CELF2: variants seen among roughly 807,000 people sequenced by gnomAD.
CELF2 encodes the protein CUGBP Elav-like family member 2.
In CELF2, 8 loss-of-function variants were observed where a neutral mutation model predicts 62.6. That is an observed-to-expected ratio of 0.13 (90% CI 0.07 to 0.23). CELF2 has a LOEUF of 0.23. CELF2 is among the 10% of genes least tolerant of loss of function. The probability of loss-of-function intolerance (pLI) is 1.00; values close to 1 mark genes in which losing one functional copy is unlikely to be tolerated. For missense variants in CELF2, 333 were observed against 671.0 expected (o/e 0.50, Z 5.56); for synonymous variants, 258 against 250.0 (o/e 1.03, Z -0.30).
At chr10:10,474,332 G>A in the CELF2 span, among the ~76,000 whole-genome samples, 10 of 151,996 alleles carry the variant, frequency 6.6e-5, no homozygotes, top group Non-Finnish European at 1.3e-4. Context: ...AAGCTTAACA[G>A]AGTAAGTTGG....
At chr10:10,531,901 C>T in the CELF2 span, among the ~76,000 whole-genome samples, 40 of 152,320 alleles carry the variant, frequency 2.6e-4, no homozygotes, top group South Asian at 7.7e-3. Flanking sequence ...CCTGGCCTGT[C>T]CTGGTGCTCC....
rs886152914 is a variant in CELF2, at chr10:11,075,438, C to G, written c.74+57275C>G. 1.3e-5 allele frequency: 2 copies of G among 152,004 alleles called. No individual in the cohort carries two copies. Among genetic ancestry groups the G allele is most frequent in the Non-Finnish European group, 2.9e-5 (2 of 68,030 alleles). The allele number at this position is 152,004 out of a possible 1,614,324, so 9.4% of individuals were successfully genotyped here. ...ATTCAGTAACGTATGGAGAGCAGTCCTGGTATACAGATACATGTACGATGT... is the reference window on the plus strand; with the variant it reads ...ATTCAGTAACGTATGGAGAGCAGTCGTGGTATACAGATACATGTACGATGT... On this transcript the variant is annotated intron_variant, in intron 1 of 12. Coordinates refer to ENST00000633077, the MANE Select transcript of CELF2 (RefSeq NM_001326342.2). The surrounding 1 kb of genome is among the most constrained non-coding windows in gnomAD (Gnocchi z 5.4).
intron 1 of CELF2, among the ~76,000 whole-genome samples, chr10:10,808,242 A>G (rs1181525361): frequency 6.6e-6 from 1 of 152,208 alleles, no homozygotes; most frequent in Non-Finnish European, 1.5e-5. Context: ...TAGATCCTGG[A>G]CACAAAGGGC....
intron 1 of CELF2, among the ~76,000 whole-genome samples, chr10:11,139,353 T>C (rs1260300749): frequency 3.3e-5 from 5 of 152,248 alleles, no homozygotes; most frequent in Non-Finnish European, 7.3e-5. Flanking sequence ...ACATTGTCTT[T>C]GCAAAACACA....
At chr10:10,568,443 G>C in the CELF2 span, among the ~76,000 whole-genome samples, 1 of 152,134 alleles carries the variant, frequency 6.6e-6, no homozygotes. Context: ...ATCACCTATG[G>C]CTACTTTCAT....
At position 11,053,612 on chromosome 10, in the gene CELF2, CTTTTTT is replaced by C. The variant is rs35886208; in HGVS notation, c.74+35464_74+35469del. On this transcript the variant is annotated intron_variant, in intron 1 of 12. Transcript: ENST00000633077. ...CATTCGTAGGCATACTCTGATATTT[CTTTTTT>C]TTTTTTTTTTTTTTGAGACAGAGTC... 3.3e-5 allele frequency among the ~76,000 whole-genome samples: 4 copies of C among 122,432 alleles called. No individual in the cohort carries two copies. In the East Asian group the frequency reaches 9.1e-4, roughly 28 times the overall value. The allele number at this position is 122,432 out of a possible 152,430, so 80.3% of individuals were successfully genotyped here. A position where few individuals can be genotyped will look rare whatever the true frequency, so the allele number is the denominator to read the frequency against.
At chr10:10,843,118 C>T (rs10752208) in intron 1 of CELF2, among the ~76,000 whole-genome samples, 64 of 151,712 alleles carry the variant, frequency 4.2e-4, no homozygotes, top group Non-Finnish European at 7.7e-4. Flanking sequence ...CTTCAACGTC[C>T]GTGGGATTAG....
chr10:11,234,421 G>A (rs1433016608), intron 3 of CELF2, among the ~76,000 whole-genome samples: 1 of 152,152 alleles, frequency 6.6e-6, no homozygotes, highest in African/African-American at 2.4e-5. Flanking sequence ...GGTGGCTCAC[G>A]CCTATAATCC....
chr10:10,558,269 T>C, the CELF2 span, among the ~76,000 whole-genome samples: 13 of 151,938 alleles, frequency 8.6e-5, no homozygotes, highest in Admixed American at 2.0e-4. Flanking sequence ...TGTCAAAGGC[T>C]TTTTCTGCAT....
upstream of CELF2, among the ~76,000 whole-genome samples, chr10:11,003,997 G>A (rs1002712670): frequency 2.6e-5 from 4 of 152,136 alleles, no homozygotes; most frequent in African/African-American, 9.7e-5. This position sits in a 1 kb window ranked among gnomAD's most constrained non-coding sequence, Gnocchi z 4.4. Flanking sequence ...GATACATCAT[G>A]CAAGATTTCT....
At chr10:10,898,736 A>G (rs989028588) in intron 1 of CELF2, among the ~76,000 whole-genome samples, 1 of 152,246 alleles carries the variant, frequency 6.6e-6, no homozygotes, top group South Asian at 2.1e-4. Context: ...AGGATATAAA[A>G]GATTTGAACA....
At chr10:10,512,336 C>T in the CELF2 span, among the ~76,000 whole-genome samples, 2 of 151,458 alleles carry the variant, frequency 1.3e-5, no homozygotes, top group South Asian at 4.2e-4. Context: ...GAATTCTCTA[C>T]TGCTGATGCA....
chr10:10,510,740 T>A, the CELF2 span, among the ~76,000 whole-genome samples: 3 of 152,156 alleles, frequency 2.0e-5, no homozygotes, highest in Non-Finnish European at 1.5e-5. Context: ...AGAAAATAAC[T>A]CAGGGAAGAA....
At chr10:11,230,838 CAA>C (rs1311895453) in intron 3 of CELF2, among the ~76,000 whole-genome samples, 1 of 152,196 alleles carries the variant, frequency 6.6e-6, no homozygotes, top group African/African-American at 2.4e-5. Flanking sequence ...TTTTCTGCCA[CAA>C]AGAGTTAATC....
rs1395041630 is a variant in CELF2, at chr10:11,008,372, G to A, written c.53+2932G>A. Among the ~76,000 whole-genome samples the A allele has an allele frequency of 1.3e-5, 2 of 152,140 alleles. No individual in the cohort carries two copies. The highest frequency in any genetic ancestry group is 2.9e-5 in the Non-Finnish European group (2 of 68,032). On this transcript the variant is annotated intron_variant, in intron 1 of 12. Coordinates refer to the CELF2 transcript ENST00000416382. This position sits in a 1 kb window ranked among gnomAD's most constrained non-coding sequence, Gnocchi z 4.5. ...CACAGACTGAGATCTCTAACCCCCT[G>A]TGTATGAATATTCCTTGATTTGTTA...
chr10:10,587,478 C>T, the CELF2 span, among the ~76,000 whole-genome samples: 2 of 152,158 alleles, frequency 1.3e-5, no homozygotes, highest in Admixed American at 1.3e-4. Flanking sequence ...TTAAAGTGTT[C>T]AGAAGCCTTC....
At chr10:10,743,576 G>A in the CELF2 span, among the ~76,000 whole-genome samples, 1 of 152,250 alleles carries the variant, frequency 6.6e-6, no homozygotes, top group East Asian at 1.9e-4. Flanking sequence ...CATTTTAATT[G>A]GAAAATACAA....
intron 3 of CELF2, among the ~76,000 whole-genome samples, chr10:11,219,588 A>G (rs907912409): frequency 2.6e-5 from 4 of 152,210 alleles, no homozygotes; most frequent in African/African-American, 4.8e-5. Context: ...TTTCCAGTGC[A>G]CACACTTGCT....
intron 9 of CELF2, among the ~76,000 whole-genome samples, chr10:11,293,141 C>A (rs942425346): frequency 1.1e-4 from 16 of 152,236 alleles, no homozygotes; most frequent in Non-Finnish European, 2.2e-4. Flanking sequence ...CCCAGCCACG[C>A]CGTCGGCCTT....
Sources: allele counts gnomAD v4.1 joint callset (sites outside exome capture counted in the v4.1 genomes callset), GRCh38; gene constraint gnomAD v4.1.1; non-coding constraint Gnocchi (gnomAD v3.1); transcripts MANE v1.5; gene names NCBI Gene and HGNC (gene_info 2026-07-23, HGNC 2026-07-21).